The following FRYL variants were observed in gnomAD, a reference collection of about 807,000 sequenced individuals.
The protein encoded by FRYL is FRY like transcription coactivator.
Under a neutral mutation model 351.2 loss-of-function variants are expected in FRYL, and 150 were observed. That is an observed-to-expected ratio of 0.43 (90% confidence interval 0.37 to 0.49). FRYL has a LOEUF of 0.49. Ranked by LOEUF, FRYL falls within the 20% of genes least tolerant of loss-of-function variation. The pLI is 0.00. For missense variants in FRYL, 3,036 were observed against 3,619.3 expected (o/e 0.84, Z 4.13); for synonymous variants, 1,153 against 1,257.1 (o/e 0.92, Z 1.75).
chr4:48,734,955 A>C (rs1323553203), intron 1 of FRYL, among the ~76,000 whole-genome samples: 22 of 151,852 alleles, frequency 1.4e-4, no homozygotes, highest in Middle Eastern at 3.4e-3. Flanking sequence ...GCAACAAAAG[A>C]CAAAATTGAC....
At chr4:48,663,173 A>G (rs1329847817) in intron 3 of FRYL, among the ~76,000 whole-genome samples, 1 of 151,694 alleles carries the variant, frequency 6.6e-6, no homozygotes, top group Non-Finnish European at 1.5e-5. Context: ...ATGTAGAAAT[A>G]AAACAAGTGA....
chr4:48,632,145 CAAATATAT>C (rs2149363193), intron 4 of FRYL, among the ~76,000 whole-genome samples: 1 of 108,086 alleles, frequency 9.3e-6, no homozygotes, highest in South Asian at 3.2e-4. Flanking sequence ...CACAAAATCT[CAAATATAT>C]AAATATATAT....
At chr4:48,515,367 G>T in intron 55 of FRYL, 92 bp from the exon 56 acceptor site, 2 of 917,724 alleles carry the variant, frequency 2.2e-6, no homozygotes, top group Non-Finnish European at 3.2e-6. Flanking sequence ...ATCTAAGTCT[G>T]TTTTATTAAG....
intron 25 of FRYL, chr4:48,574,325 TC>T (rs1471229429): frequency 2.0e-5 from 3 of 152,204 alleles, no homozygotes; most frequent in African/African-American, 4.8e-5. Context: ...CCTATTTTTT[TC>T]AATTAGCAGA....
Position 48,546,128 on chromosome 4 carries a change from C to T in FRYL, c.5218G>A (p.Val1740Ile), listed in dbSNP as rs755984516. 1.2e-6 allele frequency: 2 copies of T among 1,613,726 alleles called. No homozygotes were observed. The highest frequency in any genetic ancestry group is 1.1e-5 in the South Asian group (1 of 91,022). Reference protein sequence around the residue: ...SHLHTTILNEVDISVEQDGKV... With the variant: ...SHLHTTILNEIDISVEQDGKV... ...CCATCCTGCTCCACTGAGATGTCAACCTCATTGAGGATAGTGGTGTGCAGA... is the reference window on the plus strand; with the variant it reads ...CCATCCTGCTCCACTGAGATGTCAATCTCATTGAGGATAGTGGTGTGCAGA... The change falls in exon 42 of 64, where the codon GTT (valine) becomes ATT (isoleucine). Residue 1740 changes from valine to isoleucine, a missense_variant. By Grantham distance (29) the Val-to-Ile change is conservative. This residue lies in a region of FRYL where 1,987 missense variants were observed against 2,311.7 expected (regional missense o/e 0.86). Transcript: ENST00000358350.
intron 36 of FRYL, among the ~76,000 whole-genome samples, chr4:48,551,851 A>C (rs1457661736): frequency 1.3e-5 from 2 of 152,220 alleles, no homozygotes; most frequent in Non-Finnish European, 2.9e-5. Context: ...TTCCATGTTT[A>C]TATTGCTGAA....
chr4:48,517,193 A>G (rs1424507550), intron 55 of FRYL, among the ~76,000 whole-genome samples: 1 of 152,220 alleles, frequency 6.6e-6, no homozygotes, highest in Non-Finnish European at 1.5e-5. Context: ...AAGATAATCT[A>G]TGTGACAGTA....
intron 3 of FRYL, among the ~76,000 whole-genome samples, chr4:48,684,004 T>C (rs192103415): frequency 6.6e-6 from 1 of 152,280 alleles, no homozygotes; most frequent in Admixed American, 6.5e-5. Context: ...CTAATTCATG[T>C]TTGTTCATGA....
chr4:48,630,054 C>T (rs1229728732), intron 4 of FRYL, among the ~76,000 whole-genome samples: 1 of 152,150 alleles, frequency 6.6e-6, no homozygotes, highest in African/African-American at 2.4e-5. Flanking sequence ...CCCCAGTTAT[C>T]TTCTGAGTCT....
chr4:48,779,733 G>C (rs1187020245), intron 1 of FRYL, among the ~76,000 whole-genome samples: 1 of 151,890 alleles, frequency 6.6e-6, no homozygotes, highest in Admixed American at 6.5e-5. Flanking sequence ...AGGGGTACCC[G>C]GGCGCGCGCG....
chr4:48,744,063 C>T (rs1388238133), intron 1 of FRYL, among the ~76,000 whole-genome samples: 1 of 152,084 alleles, frequency 6.6e-6, no homozygotes, highest in Non-Finnish European at 1.5e-5. Context: ...AGATGAATTT[C>T]TGTAATTAAT....
intron 5 of FRYL, among the ~76,000 whole-genome samples, chr4:48,621,792 T>C (rs1482337406): frequency 6.6e-6 from 1 of 152,176 alleles, no homozygotes; most frequent in Non-Finnish European, 1.5e-5. Context: ...GAAAAAAGAA[T>C]GAAACAGTTT....
chr4:48,726,405 G>A (rs193079327), intron 1 of FRYL, among the ~76,000 whole-genome samples: 1 of 152,274 alleles, frequency 6.6e-6, no homozygotes, highest in East Asian at 1.9e-4. Flanking sequence ...GATGCGGGCG[G>A]GTGCAGTGGC....
intron 4 of FRYL, among the ~76,000 whole-genome samples, chr4:48,626,374 ATCATTT>A (rs1751830037): frequency 1.3e-5 from 2 of 152,148 alleles, no homozygotes; most frequent in Admixed American, 1.3e-4. Context: ...TAAAAATTAA[ATCATTT>A]TCATTTTAGT....
chr4:48,749,557 C>A (rs1773038652), intron 1 of FRYL, among the ~76,000 whole-genome samples: 1 of 152,106 alleles, frequency 6.6e-6, no homozygotes, highest in Admixed American at 6.5e-5. Context: ...GGTTGTCAAG[C>A]AAAATAATGA....
At chr4:48,581,671 A>G in intron 20 of FRYL, 66 bp from the exon 21 acceptor site, 3 of 1,323,160 alleles carry the variant, frequency 2.3e-6, no homozygotes, top group Non-Finnish European at 3.1e-6. Context: ...AAAAACAGTT[A>G]ATAAAAAATA....
chr4:48,545,997 A>T (rs1461919080), intron 42 of FRYL, 70 bp downstream of exon 42: 1 of 1,395,394 alleles, frequency 7.2e-7, no homozygotes, highest in East Asian at 2.4e-5. Context: ...AATATGGCTC[A>T]TAATACCTGA....
intron 37 of FRYL, among the ~76,000 whole-genome samples, chr4:48,550,966 G>T (rs371786647): frequency 9.9e-5 from 15 of 151,852 alleles, no homozygotes; most frequent in Admixed American, 2.0e-4. Flanking sequence ...CAGCTACTCC[G>T]GAGGCTGAGG....
intron 19 of FRYL, among the ~76,000 whole-genome samples, chr4:48,583,778 G>C (rs1478530616): frequency 6.6e-6 from 1 of 151,792 alleles, no homozygotes; most frequent in African/African-American, 2.4e-5. Flanking sequence ...GGTGGTGCAC[G>C]CCTGTAATCC....
Sources: allele counts gnomAD v4.1 joint callset (sites outside exome capture counted in the v4.1 genomes callset), GRCh38; gene constraint gnomAD v4.1.1; regional missense constraint gnomAD v4.1.1; transcripts MANE v1.5; gene names NCBI Gene and HGNC (gene_info 2026-07-23, HGNC 2026-07-21).